OSBP2: variants seen among roughly 807,000 people sequenced by gnomAD.
OSBP2 encodes oxysterol binding protein 2.
A neutral mutation model predicts 96.0 loss-of-function variants in OSBP2; 66 were observed. The observed-to-expected ratio is 0.69, with a 90% confidence interval of 0.56 to 0.84. The LOEUF is 0.84. Among genes scored for constraint, OSBP2 ranks in the 40% least tolerant of loss-of-function variants. The pLI is 0.00. For missense variants in OSBP2, 1,038 were observed against 1,222.7 expected (o/e 0.85, Z 2.25); for synonymous variants, 525 against 520.9 (o/e 1.01, Z -0.11).
At chr22:30,706,779 C>T (rs1034996821) in intron 1 of OSBP2, among the ~76,000 whole-genome samples, 13 of 152,184 alleles carry the variant, frequency 8.5e-5, no homozygotes, top group African/African-American at 2.9e-4. Context: ...CACTCCAGAT[C>T]TTCCTGCCAT....
In OSBP2 at chr22:30,866,660, C is replaced by G. The variant is rs553899100; in HGVS notation, c.854-3769C>G. 3.3e-5 allele frequency among the ~76,000 whole-genome samples: 5 copies of G among 152,300 alleles called. No homozygotes were observed. In the South Asian group the frequency reaches 1.0e-3, roughly 32 times the overall value. On this transcript the variant is annotated intron_variant, in intron 2 of 13. Coordinates refer to ENST00000332585, the MANE Select transcript of OSBP2 (RefSeq NM_030758.4). ...GCTGAAGTGGGAGAATCGCGTGAACCTGGGAGGTGGAGGTTGCAGTGAACC... is the reference window on the plus strand; with the variant it reads ...GCTGAAGTGGGAGAATCGCGTGAACGTGGGAGGTGGAGGTTGCAGTGAACC...
intron 2 of OSBP2, among the ~76,000 whole-genome samples, chr22:30,861,516 G>C (rs931412728): frequency 1.3e-5 from 2 of 152,152 alleles, no homozygotes; most frequent in Admixed American, 6.5e-5. Context: ...TCTGGCTTGG[G>C]TTTTCCATCT....
At chr22:30,852,313 T>G (rs2038992869) in intron 2 of OSBP2, among the ~76,000 whole-genome samples, 1 of 152,206 alleles carries the variant, frequency 6.6e-6, no homozygotes, top group Non-Finnish European at 1.5e-5. Flanking sequence ...GAAAAGATTT[T>G]TAAATTGAGT....
At chr22:30,742,966 A>T (rs79121454) in intron 2 of OSBP2, among the ~76,000 whole-genome samples, 22 of 152,300 alleles carry the variant, frequency 1.4e-4, no homozygotes, top group African/African-American at 5.1e-4. Flanking sequence ...GTGTGTGAGG[A>T]CACACACCTC....
At chr22:30,750,798 G>T (rs1414306470) in intron 2 of OSBP2, among the ~76,000 whole-genome samples, 2 of 152,224 alleles carry the variant, frequency 1.3e-5, no homozygotes, top group Non-Finnish European at 2.9e-5. Context: ...AGGCTAGAGT[G>T]CAGTGGCACG....
chr22:30,781,490 T>C (rs1044605430), intron 2 of OSBP2, among the ~76,000 whole-genome samples: 1 of 152,098 alleles, frequency 6.6e-6, no homozygotes, highest in African/African-American at 2.4e-5. Flanking sequence ...CTGAGGTGTG[T>C]GTGTTTGTGG....
intron 1 of OSBP2, among the ~76,000 whole-genome samples, chr22:30,699,810 A>G (rs529488923): frequency 6.6e-6 from 1 of 152,336 alleles, no homozygotes; most frequent in African/African-American, 2.4e-5. Context: ...GTTGGGCTTA[A>G]TAACATTCAT....
chr22:30,876,654 A>T (rs2039586614), intron 3 of OSBP2, among the ~76,000 whole-genome samples: 1 of 152,018 alleles, frequency 6.6e-6, no homozygotes, highest in Admixed American at 6.5e-5. Context: ...GCTCCTAAGG[A>T]CTGGGCTATG....
chr22:30,832,597 T>C (rs738372), intron 2 of OSBP2, among the ~76,000 whole-genome samples: 83,916 of 152,120 alleles, frequency 0.55, 24,416 homozygotes, highest in African/African-American at 0.74. Context: ...GCAGGTAATT[T>C]AAGTGGCTGC....
chr22:30,827,393 C>G (rs1292181621), intron 2 of OSBP2, among the ~76,000 whole-genome samples: 5 of 152,186 alleles, frequency 3.3e-5, no homozygotes, highest in African/African-American at 9.7e-5. Context: ...CCTAACATGA[C>G]AGAGCCTCTG....
chr22:30,738,767 A>G (rs1270264906), intron 1 of OSBP2, among the ~76,000 whole-genome samples: 1 of 151,678 alleles, frequency 6.6e-6, no homozygotes, highest in Non-Finnish European at 1.5e-5. Context: ...TCACCATGTT[A>G]GCCAGGCTGG....
At chr22:30,758,494 C>A (rs937316533) in intron 2 of OSBP2, among the ~76,000 whole-genome samples, 1 of 152,118 alleles carries the variant, frequency 6.6e-6, no homozygotes, top group Non-Finnish European at 1.5e-5. Context: ...TAGAGAAGAC[C>A]AGAATCTGAG....
intron 2 of OSBP2, among the ~76,000 whole-genome samples, chr22:30,825,504 T>C (rs947376624): frequency 2.6e-5 from 4 of 152,212 alleles, no homozygotes; most frequent in African/African-American, 9.7e-5. Flanking sequence ...CTCTGTGTGC[T>C]TCAAACAGAG....
chr22:30,694,844 G>GGCCCCGCCCCCGGCCTGC (rs1229519260), upstream of OSBP2: 1 of 711,372 alleles, frequency 1.4e-6, no homozygotes, highest in African/African-American at 1.9e-5. Context: ...CTGCGCCCCC[G>GGCCCCGCCCCCGGCCTGC]GCCCCGCCCC....
rs923598131 is a variant in OSBP2, at chr22:30,834,816, C to CT, written c.854-35603dup. ...ATTGTCTTTTCTTTTCTTTTCTTTT[C>CT]TTTTTTTTTTCTTTTTTGAGATGGA... On this transcript the variant is annotated intron_variant, in intron 2 of 13. Transcript: ENST00000332585. Among the ~76,000 whole-genome samples, 62 of 138,852 alleles carry CT rather than the reference C, an allele frequency of 4.5e-4. 1 individual carries two copies. Among genetic ancestry groups the CT allele is most frequent in the South Asian group, 1.2e-3 (5 of 4,342 alleles). The allele number at this position is 138,852 out of a possible 152,430, so 91.1% of individuals were successfully genotyped here.
chr22:30,759,114 G>A (rs551598412), intron 2 of OSBP2, among the ~76,000 whole-genome samples: 20 of 152,294 alleles, frequency 1.3e-4, no homozygotes, highest in Admixed American at 7.2e-4. Flanking sequence ...TTGGGAAGCC[G>A]AGACAGGTGG....
At chr22:30,764,794 GA>G (rs2090250436) in intron 2 of OSBP2, among the ~76,000 whole-genome samples, 2 of 152,164 alleles carry the variant, frequency 1.3e-5, no homozygotes, top group East Asian at 3.9e-4. Flanking sequence ...CAGTCCTGAG[GA>G]GGAGAGAAGC....
intron 12 of OSBP2, chr22:30,894,252 G>A: frequency 2.1e-5 from 9 of 426,374 alleles, no homozygotes; most frequent in South Asian, 1.2e-4. Context: ...CTCCCTACAA[G>A]AAATAAAAAA....
At chr22:30,699,080 C>T (rs2089112304) in intron 1 of OSBP2, among the ~76,000 whole-genome samples, 1 of 151,994 alleles carries the variant, frequency 6.6e-6, no homozygotes, top group South Asian at 2.1e-4. Flanking sequence ...TAGCTGGGAT[C>T]ACAAGCGTGT....
Sources: gnomAD v4.1 joint callset for allele counts (sites outside exome capture counted in the v4.1 genomes callset) on GRCh38, gnomAD v4.1.1 for gene constraint, MANE v1.5 for transcripts, NCBI Gene and HGNC (gene_info 2026-07-23, HGNC 2026-07-21) for gene names.